NAV2: variants seen among roughly 807,000 people sequenced by gnomAD.
The protein encoded by NAV2 is neuron navigator 2, also known as helicase, APC down-regulated 1.
In NAV2, 54 loss-of-function variants were observed where a neutral mutation model predicts 223.2. The observed-to-expected ratio is 0.24, with a 90% confidence interval of 0.19 to 0.30. The LOEUF (loss-of-function observed/expected upper bound fraction) is 0.30. NAV2 is among the 10% of genes least tolerant of loss of function. The pLI, the probability that NAV2 is intolerant of heterozygous loss-of-function variation, is 1.00. For synonymous variants in NAV2, 1,279 were observed against 1,239.3 expected (o/e 1.03, Z -0.67); for missense variants, 2,806 against 3,147.5 (o/e 0.89, Z 2.60).
intron 11 of NAV2, among the ~76,000 whole-genome samples, chr11:20,014,816 C>T (rs1784652081): frequency 6.6e-6 from 1 of 152,152 alleles, no homozygotes; most frequent in Non-Finnish European, 1.5e-5. Flanking sequence ...GCAGGAGACT[C>T]ACTTGAACCC....
At chr11:20,112,954 C>A (rs1316131787) in intron 36 of NAV2, among the ~76,000 whole-genome samples, 1 of 152,148 alleles carries the variant, frequency 6.6e-6, no homozygotes, top group Non-Finnish European at 1.5e-5. Flanking sequence ...GCAGGGAGAG[C>A]AGACAGACAG....
chr11:19,961,068 A>G (rs544714975), intron 10 of NAV2, among the ~76,000 whole-genome samples: 204 of 152,134 alleles, frequency 1.3e-3, no homozygotes, highest in African/African-American at 4.7e-3. Flanking sequence ...CATAGTTCTC[A>G]TCTAGAAAAC....
intron 1 of NAV2, among the ~76,000 whole-genome samples, chr11:19,620,401 G>A (rs191502910): frequency 5.9e-5 from 9 of 152,304 alleles, no homozygotes; most frequent in Middle Eastern, 3.4e-3. Context: ...AGCATGGATT[G>A]TTCTTCCATT....
intron 3 of NAV2, among the ~76,000 whole-genome samples, chr11:19,865,917 G>A (rs2062062429): frequency 6.6e-6 from 1 of 152,174 alleles, no homozygotes; most frequent in South Asian, 2.1e-4. Context: ...TCGCACTGTG[G>A]ACCCTAGAGA....
At chr11:19,840,724 AAGG>A (rs2060467451) in intron 2 of NAV2, among the ~76,000 whole-genome samples, 1 of 152,144 alleles carries the variant, frequency 6.6e-6, no homozygotes, top group Non-Finnish European at 1.5e-5. Flanking sequence ...TTATAAATGG[AAGG>A]ATAGCTGCCT....
intron 27 of NAV2, among the ~76,000 whole-genome samples, chr11:20,091,673 C>T (rs553077818): frequency 3.9e-5 from 6 of 152,166 alleles, no homozygotes; most frequent in South Asian, 4.2e-4. Context: ...CATGAATATT[C>T]GTAGAATGAA....
chr11:19,489,547 C>A (rs558327099), intron 1 of NAV2, among the ~76,000 whole-genome samples: 1 of 152,308 alleles, frequency 6.6e-6, no homozygotes, highest in East Asian at 1.9e-4. Context: ...CAGTCTCTGA[C>A]TTACAGGAGC....
At chr11:19,510,959 T>C (rs1055543) in intron 1 of NAV2, 68,929 of 152,080 alleles carry the variant, frequency 0.45, 15,727 homozygotes, top group Non-Finnish European at 0.5. Flanking sequence ...TTTATTTGCA[T>C]ACAGCTTCGT....
intron 1 of NAV2, among the ~76,000 whole-genome samples, chr11:19,661,598 G>A (rs898552320): frequency 2.0e-5 from 3 of 152,192 alleles, no homozygotes; most frequent in East Asian, 1.9e-4. Flanking sequence ...TTAGCTTTGT[G>A]CTCTGGGACA....
chr11:19,959,622 A>G (rs1355727379), intron 10 of NAV2, among the ~76,000 whole-genome samples: 3 of 152,210 alleles, frequency 2.0e-5, no homozygotes, highest in East Asian at 3.9e-4. Context: ...CCTAGATTCA[A>G]TCTGATATAA....
chr11:19,776,676 G>GTGTGTGTGTGTGTGTGTGTGT (rs61624701), intron 1 of NAV2, among the ~76,000 whole-genome samples: 3 of 147,674 alleles, frequency 2.0e-5, no homozygotes, highest in Non-Finnish European at 4.5e-5. Flanking sequence ...GTGTGTGTGT[G>GTGTGTGTGTGTGTGTGTGTGT]GTTAGAGTTG....
intron 1 of NAV2, among the ~76,000 whole-genome samples, chr11:19,816,468 C>T (rs1462850600): frequency 1.3e-5 from 2 of 152,224 alleles, no homozygotes; most frequent in African/African-American, 2.4e-5. Context: ...CCCCTCTGTC[C>T]GTTACCCCTC....
At chr11:20,090,035 G>T (rs969727258) in intron 26 of NAV2, among the ~76,000 whole-genome samples, 3 of 152,198 alleles carry the variant, frequency 2.0e-5, no homozygotes, top group Non-Finnish European at 1.5e-5. Flanking sequence ...TGCCCTGAGT[G>T]TGTTAAGCAG....
chr11:19,620,817 G>A (rs1302184446), intron 1 of NAV2, among the ~76,000 whole-genome samples: 1 of 152,182 alleles, frequency 6.6e-6, no homozygotes, highest in Non-Finnish European at 1.5e-5. Context: ...AGTGGTGAGA[G>A]AGGGCATCCC....
chr11:19,620,990 A>G (rs2046976279), intron 1 of NAV2, among the ~76,000 whole-genome samples: 1 of 152,118 alleles, frequency 6.6e-6, no homozygotes, highest in Non-Finnish European at 1.5e-5. Context: ...AATTTTGTTG[A>G]AGGCCTTTTC....
At chr11:19,543,924 G>C (rs1403616403) in intron 1 of NAV2, among the ~76,000 whole-genome samples, 3 of 152,200 alleles carry the variant, frequency 2.0e-5, no homozygotes, top group African/African-American at 4.8e-5. Context: ...CAATGAATGT[G>C]AGTGTACTCT....
chr11:19,843,255 A>G (rs2060603461), intron 3 of NAV2, among the ~76,000 whole-genome samples: 1 of 152,214 alleles, frequency 6.6e-6, no homozygotes, highest in South Asian at 2.1e-4. Flanking sequence ...AAAGACCCAC[A>G]TCAATATGTG....
intron 11 of NAV2, among the ~76,000 whole-genome samples, chr11:20,003,984 A>C (rs1405116983): frequency 6.6e-6 from 1 of 152,216 alleles, no homozygotes; most frequent in Non-Finnish European, 1.5e-5. Flanking sequence ...ATGTGAGTTC[A>C]GGAATATTTG....
At chr11:19,652,878 C>G (rs2135667355) in intron 1 of NAV2, among the ~76,000 whole-genome samples, 1 of 152,346 alleles carries the variant, frequency 6.6e-6, no homozygotes, top group South Asian at 2.1e-4. Flanking sequence ...TTAATGGATG[C>G]AAAGCATTTC....
Sources: gnomAD v4.1 joint callset for allele counts (sites outside exome capture counted in the v4.1 genomes callset) on GRCh38, gnomAD v4.1.1 for gene constraint, MANE v1.5 for transcripts, NCBI Gene and HGNC (gene_info 2026-07-23, HGNC 2026-07-21) for gene names.